NBR1: variants seen among roughly 807,000 people sequenced by gnomAD.
NBR1 encodes NBR1 autophagy cargo receptor.
Under a neutral mutation model 115.5 loss-of-function variants are expected in NBR1, and 59 were observed. That is an observed-to-expected ratio of 0.51 (90% CI 0.41 to 0.63). The LOEUF (loss-of-function observed/expected upper bound fraction) is 0.63, where lower values mean the gene tolerates loss of function less well. NBR1 is among the 30% of genes least tolerant of loss of function. NBR1 has a pLI of 0.00. For missense variants in NBR1, 1,043 were observed against 1,150.5 expected (o/e 0.91, Z 1.35); for synonymous variants, 373 against 414.7 (o/e 0.90, Z 1.22).
At chr17:43,197,140 G>A (rs1046484225) in intron 16 of NBR1, 34 bp downstream of exon 16, 23 of 1,603,160 alleles carry the variant, frequency 1.4e-5, no homozygotes, top group Non-Finnish European at 1.7e-5. Context: ...ACCTAGCAGG[G>A]TGGCACCTGA....
At chr17:43,192,727 A>G (rs1410270469) in intron 10 of NBR1, among the ~76,000 whole-genome samples, 1 of 152,196 alleles carries the variant, frequency 6.6e-6, no homozygotes, top group African/African-American at 2.4e-5. Context: ...GATAGAAACC[A>G]CTAAAGTTCA....
At chr17:43,198,420 C>T (rs560967320) in intron 16 of NBR1, among the ~76,000 whole-genome samples, 3 of 151,690 alleles carry the variant, frequency 2.0e-5, no homozygotes, top group South Asian at 2.1e-4. Context: ...TTTGTGAGGC[C>T]GAGGCGGACA....
chr17:43,191,942 G>A (rs377604324), intron 10 of NBR1, among the ~76,000 whole-genome samples: 1 of 150,664 alleles, frequency 6.6e-6, no homozygotes, highest in Non-Finnish European at 1.5e-5. Flanking sequence ...GGATGGTCTC[G>A]ATCTCTTGAC....
intron 3 of NBR1, among the ~76,000 whole-genome samples, chr17:43,178,409 C>G (rs919561403): frequency 5.4e-5 from 8 of 147,912 alleles, no homozygotes; most frequent in Non-Finnish European, 1.5e-5. Flanking sequence ...TGAAGCCTCA[C>G]TCCATAACCT....
rs2057410543 is a variant in NBR1 at position 43,211,257 on chromosome 17, A to G, written c.*1183A>G. On this transcript the variant is annotated 3_prime_UTR_variant, in exon 21 of 21. Coordinates refer to ENST00000590996, the MANE Select transcript of NBR1 (RefSeq NM_005899.5). Reference sequence around the variant, plus strand: ...GAGTACAGTTGGTGAAGGAAGAGGTAACAAAAAATGCTAAATATTTTATCC... The same window carrying G: ...GAGTACAGTTGGTGAAGGAAGAGGTGACAAAAAATGCTAAATATTTTATCC... 1 of 152,790 alleles carries G rather than the reference A, an allele frequency of 6.5e-6. No individual in the cohort carries two copies. The highest frequency in any genetic ancestry group is 2.4e-5 in the African/African-American group (1 of 41,468). The allele number at this position is 152,790 out of a possible 1,614,324, so 9.5% of individuals were successfully genotyped here.
intron 20 of NBR1, 40 bp from the exon 21 acceptor site, chr17:43,209,861 A>G: frequency 7.0e-7 from 1 of 1,421,826 alleles, no homozygotes; most frequent in Non-Finnish European, 9.3e-7. Flanking sequence ...AATTATACAG[A>G]ATTTTTTTTT....
At chr17:43,209,628 A>T in intron 20 of NBR1, 1 of 1,535,552 alleles carries the variant, frequency 6.5e-7, no homozygotes, top group Non-Finnish European at 8.7e-7. Context: ...CGAGTGAAGC[A>T]TTCTCCTGGT....
intron 4 of NBR1, 109 bp from the exon 5 acceptor site, chr17:43,180,686 G>A: frequency 8.4e-7 from 1 of 1,191,644 alleles, no homozygotes. Context: ...GGAATCTTTG[G>A]TTCTTGAATG....
intron 18 of NBR1, 69 bp from the exon 19 acceptor site, chr17:43,202,586 T>A: frequency 8.8e-7 from 1 of 1,133,932 alleles, no homozygotes; most frequent in East Asian, 2.6e-5. Context: ...AATAATAGCC[T>A]TGCTGTGAGT....
At chr17:43,197,526 A>G (rs945586482) in intron 16 of NBR1, among the ~76,000 whole-genome samples, 3 of 151,980 alleles carry the variant, frequency 2.0e-5, no homozygotes, top group African/African-American at 7.2e-5. Flanking sequence ...CTCAAAAAAA[A>G]AAAAAGAAAT....
chr17:43,201,468 C>T (rs1036034838), intron 17 of NBR1, among the ~76,000 whole-genome samples: 6 of 152,160 alleles, frequency 3.9e-5, no homozygotes, highest in East Asian at 3.9e-4. Flanking sequence ...GGGACATGAC[C>T]AGACTGAAGC....
intron 2 of NBR1, among the ~76,000 whole-genome samples, chr17:43,177,572 AACACACACACACACACACACAC>A (rs60320098): frequency 6.1e-5 from 8 of 131,260 alleles, no homozygotes; most frequent in Non-Finnish European, 7.9e-5. Context: ...CCCCACCCAA[AACACACACACACACACACACAC>A]ACACACACAC....
In NBR1 at chr17:43,209,908, T is replaced by C. The variant is rs2057387045; in HGVS notation, c.2735T>C (p.Ile912Thr). 7 of 1,543,338 alleles carry C rather than the reference T, an allele frequency of 4.5e-6. No individual in the cohort carries two copies. Among genetic ancestry groups the C allele is most frequent in the Non-Finnish European group, 6.1e-6 (7 of 1,146,056 alleles). ...TTGCTTGTCTCTACACAGCCAATAATTTCTGAAGATCAGACAGCAGCCCTG... is the reference window on the plus strand; with the variant it reads ...TTGCTTGTCTCTACACAGCCAATAACTTCTGAAGATCAGACAGCAGCCCTG... ...AGPPVTAQPI[I>T]SEDQTAALMA... Residue 912 changes from isoleucine (I) to threonine (T), a missense_variant, in exon 21 of 21, where the codon ATT becomes ACT. Coordinates refer to ENST00000590996, the MANE Select transcript of NBR1 (RefSeq NM_005899.5).
At chr17:43,186,499 TAAAG>T in intron 6 of NBR1, 55 bp downstream of exon 6, 1 of 1,348,162 alleles carries the variant, frequency 7.4e-7, no homozygotes, top group South Asian at 1.7e-5. Flanking sequence ...CTTTTTTAAA[TAAAG>T]CTGAACAGGT....
In NBR1 at chr17:43,211,052, G is replaced by T. The variant is rs1165826347; in HGVS notation, c.*978G>T. 4.4e-6 allele frequency: 1 copy of T among 225,378 alleles called. No individual in the cohort carries two copies. Among genetic ancestry groups the T allele is most frequent in the Non-Finnish European group, 8.6e-6 (1 of 116,362 alleles). The allele number at this position is 225,378 out of a possible 1,614,324, so 14.0% of individuals were successfully genotyped here. The stretch of plus-strand genomic sequence containing the variant: ...AGGAAATGCTGATGACTTCTTTAAT[G>T]CTTGAAGTCCGTTCACAGGTATCTA... On this transcript the variant is annotated 3_prime_UTR_variant, in exon 21 of 21. Transcript: ENST00000590996.
chr17:43,173,687 CG>C (rs1240430195), intron 1 of NBR1, among the ~76,000 whole-genome samples: 3 of 152,144 alleles, frequency 2.0e-5, no homozygotes, highest in Admixed American at 6.5e-5. Flanking sequence ...TCAAAGCAGA[CG>C]TATTAGACCT....
rs754591618 is a variant in NBR1 at position 43,203,692 on chromosome 17, G to A, written c.2633G>A (p.Gly878Glu). ...KSYDHSRHHH[G>E]SSIAGGLVKG... ...GTTTTCCTCTGCAGGCACCATCATGGGAGCAGCATTGCTGGAGGACTGGTG... is the reference window on the plus strand; with the variant it reads ...GTTTTCCTCTGCAGGCACCATCATGAGAGCAGCATTGCTGGAGGACTGGTG... Residue 878 changes from glycine (G) to glutamate (E), a missense_variant, in exon 20 of 21, where the codon GGG (glycine) becomes GAG (glutamate). Physicochemically the swap from Gly to Glu is moderately conservative, Grantham distance 98 (BLOSUM62 -2). Transcript: ENST00000590996. The A allele has an allele frequency of 1.1e-5, 17 of 1,607,956 alleles. No individual in the cohort carries two copies. Among genetic ancestry groups the A allele is most frequent in the Non-Finnish European group, 1.4e-5 (17 of 1,176,518 alleles).
rs749787268 is a variant in NBR1, at chr17:43,196,925, G to A, written c.1862-17G>A. 1.9e-6 allele frequency: 3 copies of A among 1,613,754 alleles called. No homozygotes were observed. Among genetic ancestry groups the A allele is most frequent in the Non-Finnish European group, 2.5e-6 (3 of 1,179,740 alleles). ...ACTTTAAACACCCAGTGCAGATAAG[G>A]TTCGTGTGTCTTTCAGATTCTATGG... On this transcript the variant is annotated splice_polypyrimidine_tract_variant and intron_variant, in intron 15 of 20. Transcript: ENST00000590996.
chr17:43,175,794 C>T lies in NBR1; in HGVS notation c.-6C>T. 1.3e-6 allele frequency: 2 copies of T among 1,523,942 alleles called. No homozygotes were observed. The highest frequency in any genetic ancestry group is 1.8e-6 in the Non-Finnish European group (2 of 1,105,732). 94.4% of individuals were successfully genotyped at this position (1,523,942 alleles called of 1,614,324 possible). A position where few individuals can be genotyped will look rare whatever the true frequency, so the allele number is the denominator to read the frequency against. On this transcript the variant is annotated 5_prime_UTR_variant, in exon 2 of 21. Coordinates refer to ENST00000590996, the MANE Select transcript of NBR1 (RefSeq NM_005899.5). Reference sequence around the variant, plus strand: ...CCACCAACCTTCTCAACCCTAGCCTCACAGCATGGAACCACAGGTTACTCT... The same window carrying T: ...CCACCAACCTTCTCAACCCTAGCCTTACAGCATGGAACCACAGGTTACTCT...
Sources: gnomAD v4.1 joint callset for allele counts (sites outside exome capture counted in the v4.1 genomes callset) on GRCh38, gnomAD v4.1.1 for gene constraint, MANE v1.5 for transcripts, NCBI Gene and HGNC (gene_info 2026-07-23, HGNC 2026-07-21) for gene names.